CDKAL1: variants seen among roughly 807,000 people sequenced by gnomAD.
CDKAL1 encodes threonylcarbamoyladenosine tRNA methylthiotransferase.
A neutral mutation model predicts 68.2 loss-of-function variants in CDKAL1; 32 were observed. The ratio of observed to expected loss-of-function variants is 0.47; its 90% CI spans 0.35 to 0.63. CDKAL1 has a LOEUF of 0.63. Among genes scored for constraint, CDKAL1 ranks in the 30% least tolerant of loss-of-function variants. CDKAL1 has a pLI of 0.00. For synonymous variants in CDKAL1, 234 were observed against 244.3 expected (o/e 0.96, Z 0.39); for missense variants, 606 against 696.7 (o/e 0.87, Z 1.47).
At chr6:21,116,944 A>T (rs113005062) in intron 13 of CDKAL1, among the ~76,000 whole-genome samples, 13 of 152,348 alleles carry the variant, frequency 8.5e-5, no homozygotes, top group African/African-American at 2.9e-4. Flanking sequence ...CACTGTGCCA[A>T]GAGCCAGAGT....
rs560126998 is a variant in CDKAL1, at chr6:20,675,974, C to T, written c.371+26597C>T. ...AGTGATGATCCTGACCCTGTTCAGA[C>T]CTAGGCTAATGTGTGTGTTTGTGTC... On this transcript the variant is annotated intron_variant, in intron 5 of 15. Transcript: ENST00000274695. 7.2e-5 allele frequency among the ~76,000 whole-genome samples: 11 copies of T among 151,988 alleles called. No individual in the cohort carries two copies. The East Asian group carries it at 1.4e-3, about 19-fold the overall frequency.
At chr6:20,856,558 G>A (rs927804784) in intron 9 of CDKAL1, among the ~76,000 whole-genome samples, 2 of 152,122 alleles carry the variant, frequency 1.3e-5, no homozygotes, top group Admixed American at 6.5e-5. Context: ...GGTATCTAAC[G>A]TTTTACCAAA....
intron 11 of CDKAL1, among the ~76,000 whole-genome samples, chr6:21,036,633 G>A (rs1010984863): frequency 1.3e-5 from 2 of 152,098 alleles, no homozygotes; most frequent in East Asian, 1.9e-4. Flanking sequence ...TGTTTCACAC[G>A]TTTTTAGCCA....
At chr6:20,976,146 T>C (rs1204969611) in intron 10 of CDKAL1, among the ~76,000 whole-genome samples, 1 of 152,166 alleles carries the variant, frequency 6.6e-6, no homozygotes, top group Admixed American at 6.5e-5. Context: ...TTAGCTTCTT[T>C]CTCTTAGTAA....
At chr6:20,899,574 T>G (rs1761865881) in intron 9 of CDKAL1, among the ~76,000 whole-genome samples, 2 of 152,198 alleles carry the variant, frequency 1.3e-5, no homozygotes, top group African/African-American at 4.8e-5. Flanking sequence ...TTGGGTGTGG[T>G]GGCTCACGCC....
intron 8 of CDKAL1, among the ~76,000 whole-genome samples, chr6:20,795,217 A>G (rs11751916): frequency 0.41 from 61,615 of 151,968 alleles, 12,785 homozygotes; most frequent in South Asian, 0.44. Flanking sequence ...TAGCTCATAG[A>G]AGCTCTCAAT....
chr6:21,084,852 T>C (rs1221990080), intron 12 of CDKAL1, among the ~76,000 whole-genome samples: 1 of 152,202 alleles, frequency 6.6e-6, no homozygotes, highest in African/African-American at 2.4e-5. Context: ...CCTTCCCAAC[T>C]AACTTGACAT....
At chr6:21,089,146 G>T (rs1157127204) in intron 12 of CDKAL1, among the ~76,000 whole-genome samples, 2 of 152,128 alleles carry the variant, frequency 1.3e-5, no homozygotes, top group African/African-American at 4.8e-5. Flanking sequence ...TCAGTTGATG[G>T]TGAGATGAAT....
intron 12 of CDKAL1, among the ~76,000 whole-genome samples, chr6:21,082,879 T>G (rs577772851): frequency 1.3e-4 from 19 of 150,340 alleles, no homozygotes; most frequent in African/African-American, 2.9e-4. Context: ...CTTTTGTTTT[T>G]TTTTTTTTTT....
In CDKAL1 at chr6:20,808,055, GC is replaced by G. The variant is rs1402216166; in HGVS notation, c.638+26791del. Among the ~76,000 whole-genome samples the G allele has an allele frequency of 2.0e-5, 3 of 152,240 alleles. No individual in the cohort carries two copies. In the East Asian group the frequency reaches 5.8e-4, roughly 29 times the overall value. On this transcript the variant is annotated intron_variant, in intron 8 of 15. Transcript: ENST00000274695. ...TCAGTTAAAATCACGTTTGTTGATT[GC>G]TATCAGTATTTGCCATTACTTATCT...
At chr6:20,884,242 T>C (rs1440392668) in intron 9 of CDKAL1, among the ~76,000 whole-genome samples, 1 of 151,998 alleles carries the variant, frequency 6.6e-6, no homozygotes, top group African/African-American at 2.4e-5. Context: ...GAAGAAAAGG[T>C]ATTTGCCAAA....
chr6:20,587,554 G>A (rs1289120757), intron 4 of CDKAL1, among the ~76,000 whole-genome samples: 1 of 151,776 alleles, frequency 6.6e-6, no homozygotes, highest in East Asian at 1.9e-4. Context: ...GCAGCGTAGT[G>A]AGACCCTATC....
intron 10 of CDKAL1, among the ~76,000 whole-genome samples, chr6:20,976,824 G>C (rs1483461804): frequency 1.3e-5 from 2 of 152,120 alleles, no homozygotes; most frequent in African/African-American, 2.4e-5. Context: ...CGATGTTGTT[G>C]CATATTTCAA....
intron 5 of CDKAL1, among the ~76,000 whole-genome samples, chr6:20,678,095 T>G (rs898758702): frequency 2.0e-5 from 3 of 151,942 alleles, no homozygotes; most frequent in African/African-American, 7.2e-5. Flanking sequence ...TGTGTTGTTT[T>G]TTTTTTTTGA....
rs142484976 is a variant in CDKAL1, at chr6:20,613,143, A to G, written c.287-36150A>G. On this transcript the variant is annotated intron_variant, in intron 4 of 15. Coordinates refer to ENST00000274695, the MANE Select transcript of CDKAL1 (RefSeq NM_017774.3). The stretch of plus-strand genomic sequence containing the variant: ...TCTCCTTTTACATAAAAGTTAGCAT[A>G]TAATACACATGATTTTCATTTAACT... 4.0e-3 allele frequency among the ~76,000 whole-genome samples: 606 copies of G among 151,792 alleles called. 4 individuals are homozygous for G. Among genetic ancestry groups the G allele is most frequent in the African/African-American group, 0.013 (546 of 41,428 alleles).
chr6:20,763,685 C>T (rs950087935), intron 7 of CDKAL1, among the ~76,000 whole-genome samples: 6 of 152,128 alleles, frequency 3.9e-5, no homozygotes, highest in African/African-American at 7.2e-5. Flanking sequence ...GCTTATGTTA[C>T]ACCAAGTAGT....
At chr6:20,948,503 C>T (rs1047365327) in intron 9 of CDKAL1, among the ~76,000 whole-genome samples, 2 of 152,172 alleles carry the variant, frequency 1.3e-5, no homozygotes, top group African/African-American at 4.8e-5. Context: ...CTTGAAATCT[C>T]GATAAGTTTT....
chr6:21,225,821 T>C (rs1419772217), intron 15 of CDKAL1, among the ~76,000 whole-genome samples: 1 of 152,186 alleles, frequency 6.6e-6, no homozygotes, highest in Admixed American at 6.5e-5. Flanking sequence ...GACTTTGTAA[T>C]TTACAAAAAG....
chr6:20,918,234 G>T (rs113858785), intron 9 of CDKAL1, among the ~76,000 whole-genome samples: 4 of 152,250 alleles, frequency 2.6e-5, no homozygotes, highest in African/African-American at 9.6e-5. Flanking sequence ...CTGGCACATT[G>T]GTCTTTGGCT....
Sources: allele counts gnomAD v4.1 joint callset (sites outside exome capture counted in the v4.1 genomes callset), GRCh38; gene constraint gnomAD v4.1.1; transcripts MANE v1.5; gene names NCBI Gene and HGNC (gene_info 2026-07-23, HGNC 2026-07-21).